Variants in GPR39 observed in about 807,000 individuals in gnomAD.
GPR39 encodes the protein G protein-coupled receptor 39, also known as zinc sensing receptor.
Under a neutral mutation model 18.4 loss-of-function variants are expected in GPR39, and 23 were observed. That is an observed-to-expected ratio of 1.25 (90% CI 0.90 to 1.77). GPR39 has a LOEUF of 1.77. Among genes scored for constraint, GPR39 ranks in the 40% most tolerant of loss-of-function variants. The probability of loss-of-function intolerance (pLI) is 0.00; values close to 1 mark genes in which losing one functional copy is unlikely to be tolerated. For missense variants in GPR39, 647 were observed against 602.4 expected, an observed-to-expected ratio of 1.07 and a Z score of -0.78; for synonymous variants, 280 against 257.9, an observed-to-expected ratio of 1.09 and a Z score of -0.82.
intron 1 of GPR39, among the ~76,000 whole-genome samples, chr2:132,501,972 T>C (rs987890459): frequency 2.0e-5 from 3 of 152,144 alleles, no homozygotes; most frequent in Admixed American, 6.6e-5. Context: ...TGAGTACTTA[T>C]GTGTTAGATG....
chr2:132,561,577 TACAC>T (rs55653432), intron 1 of GPR39, among the ~76,000 whole-genome samples: 30,849 of 147,796 alleles, frequency 0.21, 3,100 homozygotes, highest in Non-Finnish European at 0.24. Context: ...AATATGAGTG[TACAC>T]ACACACACAC....
chr2:132,506,560 G>A (rs1427294244), intron 1 of GPR39, among the ~76,000 whole-genome samples: 1 of 152,084 alleles, frequency 6.6e-6, no homozygotes, highest in African/African-American at 2.4e-5. Context: ...TGCATAGCTG[G>A]GGAGGCCTCA....
At chr2:132,549,570 C>T (rs562089808) in intron 1 of GPR39, among the ~76,000 whole-genome samples, 8 of 152,156 alleles carry the variant, frequency 5.3e-5, no homozygotes, top group South Asian at 2.1e-4. Context: ...GGGTGTATCA[C>T]GAGGTCAGGA....
intron 1 of GPR39, among the ~76,000 whole-genome samples, chr2:132,575,809 A>G (rs1026570930): frequency 1.1e-4 from 17 of 152,196 alleles, no homozygotes; most frequent in African/African-American, 4.1e-4. Context: ...TAAAATTGAT[A>G]TGATGTAATC....
chr2:132,417,181 G>A lies in GPR39; in HGVS notation c.139G>A (p.Gly47Arg). 6.2e-7 allele frequency: 1 copy of A among 1,614,080 alleles called. No homozygotes were observed. Among genetic ancestry groups the A allele is most frequent in the Non-Finnish European group, 8.5e-7 (1 of 1,180,004 alleles). The stretch of plus-strand genomic sequence containing the variant: ...GATCATCTTCGTGATGGGCCTTCTG[G>A]GGAACAGCGCCACCATTCGGGTCAC... ...YLIIFVMGLL[G>R]NSATIRVTQV... The change falls in exon 1 of 2, where the codon GGG becomes AGG. Residue 47 changes from glycine (G) to arginine (R), a missense_variant. Coordinates refer to ENST00000329321, the MANE Select transcript of GPR39 (RefSeq NM_001508.3).
At chr2:132,610,758 C>T (rs1044682655) in intron 1 of GPR39, among the ~76,000 whole-genome samples, 1 of 115,978 alleles carries the variant, frequency 8.6e-6, no homozygotes, top group African/African-American at 3.6e-5. Context: ...GCCTGGGCAA[C>T]AGAGCGAGAC....
intron 1 of GPR39, among the ~76,000 whole-genome samples, chr2:132,424,607 TG>T (rs1190200515): frequency 6.6e-6 from 1 of 152,194 alleles, no homozygotes; most frequent in Non-Finnish European, 1.5e-5. Context: ...CCTAGTGGAC[TG>T]GATCAGCCAG....
At chr2:132,637,131 A>G (rs1370982476) in intron 1 of GPR39, among the ~76,000 whole-genome samples, 4 of 152,262 alleles carry the variant, frequency 2.6e-5, no homozygotes, top group Non-Finnish European at 5.9e-5. Context: ...TTTATCATGC[A>G]TCATAAAGGT....
At chr2:132,452,839 C>T (rs573509645) in intron 1 of GPR39, among the ~76,000 whole-genome samples, 21 of 144,796 alleles carry the variant, frequency 1.5e-4, no homozygotes, top group African/African-American at 4.1e-4. Context: ...TAGTATTCCA[C>T]GCTGTATATA....
intron 1 of GPR39, among the ~76,000 whole-genome samples, chr2:132,576,621 T>C (rs954487156): frequency 2.1e-4 from 32 of 152,034 alleles, no homozygotes; most frequent in Admixed American, 2.1e-3. Flanking sequence ...CCACTGCACT[T>C]CAGCCTGGGC....
intron 1 of GPR39, among the ~76,000 whole-genome samples, chr2:132,511,802 C>A (rs1317424704): frequency 6.6e-6 from 1 of 152,154 alleles, no homozygotes. Context: ...GTGAGGCAGG[C>A]ATTGTTGCTA....
At chr2:132,560,303 A>C in intron 1 of GPR39, among the ~76,000 whole-genome samples, 2 of 150,846 alleles carry the variant, frequency 1.3e-5, no homozygotes, top group East Asian at 1.9e-4. Flanking sequence ...TGCCTTTCCC[A>C]CCTCTTTTTC....
intron 1 of GPR39, among the ~76,000 whole-genome samples, chr2:132,493,075 A>ACATATATACCATATATAC (rs200147915): frequency 7.4e-6 from 1 of 135,324 alleles, no homozygotes; most frequent in Non-Finnish European, 1.5e-5. Context: ...TATATATACC[A>ACATATATACCATATATAC]CATATATACC....
intron 1 of GPR39, among the ~76,000 whole-genome samples, chr2:132,643,853 T>C (rs1292876195): frequency 6.6e-6 from 1 of 152,204 alleles, no homozygotes; most frequent in African/African-American, 2.4e-5. Context: ...CCATGGGTCA[T>C]AGGCAGGAAG....
chr2:132,514,575 A>C (rs142881524), intron 1 of GPR39, among the ~76,000 whole-genome samples: 1,524 of 152,248 alleles, frequency 0.01, 26 homozygotes, highest in African/African-American at 0.035. Context: ...TACAGTCCCC[A>C]GCCCATTGGA....
At chr2:132,620,660 C>G (rs1681425689) in intron 1 of GPR39, among the ~76,000 whole-genome samples, 1 of 152,314 alleles carries the variant, frequency 6.6e-6, no homozygotes, top group East Asian at 1.9e-4. Flanking sequence ...CTAGGTTTGC[C>G]CAGACACTTC....
At chr2:132,629,937 G>T (rs879917963) in intron 1 of GPR39, among the ~76,000 whole-genome samples, 6 of 152,164 alleles carry the variant, frequency 3.9e-5, no homozygotes, top group Admixed American at 3.9e-4. Flanking sequence ...CATTTTCTTT[G>T]CAACCTGGAC....
At chr2:132,428,199 G>A (rs1333889568) in intron 1 of GPR39, among the ~76,000 whole-genome samples, 1 of 152,032 alleles carries the variant, frequency 6.6e-6, no homozygotes, top group Non-Finnish European at 1.5e-5. Flanking sequence ...CAAGAAGCCT[G>A]CCTGGACTGG....
chr2:132,419,702 A>T (rs1009876370), intron 1 of GPR39, among the ~76,000 whole-genome samples: 6 of 152,284 alleles, frequency 3.9e-5, no homozygotes, highest in African/African-American at 1.2e-4. Context: ...TTAAACTGTA[A>T]GGTGTAATTT....
Sources: allele counts gnomAD v4.1 joint callset (sites outside exome capture counted in the v4.1 genomes callset), GRCh38; gene constraint gnomAD v4.1.1; transcripts MANE v1.5; gene names NCBI Gene and HGNC (gene_info 2026-07-23, HGNC 2026-07-21).